Variants in FIBP observed in about 807,000 individuals in gnomAD.
The protein encoded by FIBP is FGF1 intracellular binding protein, also known as acidic fibroblast growth factor intracellular-binding protein.
FIBP carries 29 observed loss-of-function variants against 40.5 expected under a neutral mutation model. The observed-to-expected ratio is 0.72, with a 90% CI of 0.53 to 0.98. The LOEUF is 0.98. FIBP is among the 50% of genes least tolerant of loss of function. The probability of loss-of-function intolerance (pLI) is 0.00; values close to 1 mark genes in which losing one functional copy is unlikely to be tolerated. For missense variants in FIBP, 411 were observed against 470.2 expected (o/e 0.87, Z 1.16); for synonymous variants, 215 against 191.1 (o/e 1.13, Z -1.03).
chr11:65,887,716 A>G lies in FIBP; in HGVS notation c.295T>C (p.Phe99Leu). Reference sequence around the variant, plus strand: ...ACCTCCCGAACAAAGGCCTCATCAAAGGCATAGTACCTTGTGGAGTCAGAG... The same window carrying G: ...ACCTCCCGAACAAAGGCCTCATCAAGGGCATAGTACCTTGTGGAGTCAGAG... ...QALLIERYYAFDEAFVREVLG... is the reference protein window; with the variant it reads ...QALLIERYYALDEAFVREVLG... The change falls in exon 3 of 10, where the codon TTT (phenylalanine) becomes CTT (leucine). Residue 99 changes from phenylalanine to leucine, a missense_variant. Phe to Leu is a conservative substitution (Grantham distance 22). Transcript: ENST00000357519. The G allele has an allele frequency of 6.2e-7, 1 of 1,614,170 alleles. No homozygotes were observed. The highest frequency in any genetic ancestry group is 8.5e-7 in the Non-Finnish European group (1 of 1,180,034).
At chr11:65,884,682 C>G in intron 7 of FIBP, 26 bp from the exon 8 acceptor site, 1 of 1,612,070 alleles carries the variant, frequency 6.2e-7, no homozygotes, top group East Asian at 2.2e-5. Flanking sequence ...CCTTGGAGCT[C>G]TGCTTTCTGC....
chr11:65,883,882 TG>T lies in FIBP; in HGVS notation c.*91del. 8.9e-7 allele frequency: 1 copy of T among 1,129,682 alleles called. No homozygotes were observed. Among genetic ancestry groups the T allele is most frequent in the Non-Finnish European group, 1.3e-6 (1 of 768,478 alleles). 70.0% of individuals were successfully genotyped at this position (1,129,682 alleles called of 1,614,324 possible). On this transcript the variant is annotated 3_prime_UTR_variant, in exon 10 of 10. Transcript: ENST00000357519. ...GCTCAGAGACAGACACAGGCACATCTGCACGCCCCCCACTTGCTCCCCGGAG... is the reference window on the plus strand; with the variant it reads ...GCTCAGAGACAGACACAGGCACATCTCACGCCCCCCACTTGCTCCCCGGAG...
intron 4 of FIBP, chr11:65,885,973 C>A: frequency 2.3e-6 from 1 of 440,102 alleles, no homozygotes; most frequent in Non-Finnish European, 4.1e-6. Context: ...AGCTGGAAAT[C>A]GCTGGACTGT....
rs1359773333 is a variant in FIBP, at chr11:65,884,040, G to A, written c.1008C>T (p.His336=). ...CCATGTAGCGGTCCCAGAGGGCCTG[G>A]TGTCTGTAAGAACATGAACAGTGAC... The part of the protein sequence containing the change: ...ASVHSLDGFR[H]QALWDRYMGT... The change falls in exon 10 of 10, where the codon CAC becomes CAT. Residue 336 remains histidine (H), a synonymous_variant. Transcript: ENST00000357519. The A allele has an allele frequency of 5.0e-6, 8 of 1,613,138 alleles. No individual in the cohort carries two copies. Among genetic ancestry groups the A allele is most frequent in the African/African-American group, 2.7e-5 (2 of 74,918 alleles).
intron 3 of FIBP, chr11:65,887,318 C>A: frequency 2.2e-6 from 1 of 444,904 alleles, no homozygotes; most frequent in East Asian, 4.7e-5. Context: ...TGGGAGCGGG[C>A]GCCTGTAATC....
chr11:65,884,762 T>C, intron 7 of FIBP, 106 bp from the exon 8 acceptor site: 1 of 1,337,110 alleles, frequency 7.5e-7, no homozygotes, highest in Non-Finnish European at 1.1e-6. Flanking sequence ...TCCATCCACC[T>C]CCCTCCATCA....
At position 65,883,932 on chromosome 11, in the gene FIBP, A is replaced by G. The variant is rs765913543; in HGVS notation, c.*42T>C. ...AGCGAGGACCAGTCTCCAAACTCAG[A>G]GCAACTTTATTGTCAGCGTGGGCGG... On this transcript the variant is annotated 3_prime_UTR_variant, in exon 10 of 10. Coordinates refer to ENST00000357519, the MANE Select transcript of FIBP (RefSeq NM_004214.5). 1.3e-6 allele frequency: 2 copies of G among 1,589,188 alleles called. No individual in the cohort carries two copies. The highest frequency in any genetic ancestry group is 1.1e-5 in the South Asian group (1 of 89,692).
rs1860291894 is a variant in FIBP, at chr11:65,888,116, G to A, written c.102C>T (p.Ala34=). ...CCAGGATTCCCGAGCGCACCCGCAG[G>A]GCCACCGCGTCGGTCACTGGAAAGC... is the stretch of plus-strand genomic sequence containing the variant. ...LDGYSVTDAV[A]LRVRSGILEQ... is the part of the protein sequence containing the mutation. The change falls in exon 2 of 10, where the codon GCC becomes GCT. Residue 34 remains alanine (A), a synonymous_variant. Coordinates refer to ENST00000357519, the MANE Select transcript of FIBP (RefSeq NM_004214.5). 6.3e-6 allele frequency: 10 copies of A among 1,579,568 alleles called. No individual in the cohort carries two copies. The highest frequency in any genetic ancestry group is 8.6e-6 in the Non-Finnish European group (10 of 1,166,172).
At position 65,884,858 on chromosome 11, in the gene FIBP, G is replaced by T. The variant is rs1220764382; in HGVS notation, c.819+77C>A. 57 of 1,555,602 alleles carry T rather than the reference G, an allele frequency of 3.7e-5. 1 individual carries two copies. Among genetic ancestry groups the T allele is most frequent in the Middle Eastern group, 1.7e-4 (1 of 5,794 alleles). On this transcript the variant is annotated intron_variant, in intron 7 of 9. Coordinates refer to ENST00000357519, the MANE Select transcript of FIBP (RefSeq NM_004214.5). Reference sequence around the variant, plus strand: ...CCACCTGCCGGCCAATCCCTGGCAGGGGCAGAGCTGCCCGGTAGGGGTGGC... The same window carrying T: ...CCACCTGCCGGCCAATCCCTGGCAGTGGCAGAGCTGCCCGGTAGGGGTGGC...
chr11:65,887,884 G>A, intron 2 of FIBP, 50 bp downstream of exon 2: 2 of 1,597,406 alleles, frequency 1.3e-6, no homozygotes, highest in Non-Finnish European at 1.7e-6. Context: ...CGGCAAAATG[G>A]GTATACAGTC....
At position 65,883,932 on chromosome 11, in the gene FIBP, A is replaced by C. The variant is rs765913543; in HGVS notation, c.*42T>G. 58 of 1,589,188 alleles carry C rather than the reference A, an allele frequency of 3.6e-5. No homozygotes were observed. Among genetic ancestry groups the C allele is most frequent in the Non-Finnish European group, 4.8e-5 (56 of 1,159,676 alleles). ...AGCGAGGACCAGTCTCCAAACTCAG[A>C]GCAACTTTATTGTCAGCGTGGGCGG... On this transcript the variant is annotated 3_prime_UTR_variant, in exon 10 of 10. Transcript: ENST00000357519.
Position 65,884,999 on chromosome 11 carries a change from C to A in FIBP, c.756-1G>T. 1 of 1,614,212 alleles carries A rather than the reference C, an allele frequency of 6.2e-7. No individual in the cohort carries two copies. Among genetic ancestry groups the A allele is most frequent in the Admixed American group, 1.7e-5 (1 of 60,022 alleles). ...TCCCCGGAGAGCAGTGCACACCAGGCTGCAGAGAGACAGGGTCACGCCTAT... is the reference window on the plus strand; with the variant it reads ...TCCCCGGAGAGCAGTGCACACCAGGATGCAGAGAGACAGGGTCACGCCTAT... On this transcript the variant is annotated splice_acceptor_variant, in intron 6 of 9. Coordinates refer to ENST00000357519, the MANE Select transcript of FIBP (RefSeq NM_004214.5). LOFTEE classifies it high-confidence loss of function.
chr11:65,886,205 T>A, intron 4 of FIBP, 117 bp downstream of exon 4: 10 of 435,116 alleles, frequency 2.3e-5, no homozygotes, highest in South Asian at 4.2e-5. Context: ...AGACCAAAAG[T>A]GGGATAATCA....
chr11:65,886,251 G>A lies in FIBP; in HGVS notation c.512+71C>T. Reference sequence around the variant, plus strand: ...ATACTCAGGAGGTCAGAAGGTTTGGGGTAGGGAAGGTGGACGAGCCTCCGG... The same window carrying A: ...ATACTCAGGAGGTCAGAAGGTTTGGAGTAGGGAAGGTGGACGAGCCTCCGG... On this transcript the variant is annotated intron_variant, in intron 4 of 9. Transcript: ENST00000357519. 4 of 981,878 alleles carry A rather than the reference G, an allele frequency of 4.1e-6. No homozygotes were observed. In the East Asian group the frequency reaches 9.6e-5, roughly 23 times the overall value. The allele number at this position is 981,878 out of a possible 1,614,324, so 60.8% of individuals were successfully genotyped here. A position where few individuals can be genotyped will look rare whatever the true frequency, so the allele number is the denominator to read the frequency against.
intron 4 of FIBP, 151 bp downstream of exon 4, chr11:65,886,169 TAA>T (rs5792375): frequency 0.081 from 26,742 of 329,442 alleles, 4 homozygotes; most frequent in East Asian, 0.12. Flanking sequence ...TCCGTCTCAT[TAA>T]AAAAAAAAAA....
At position 65,888,151 on chromosome 11, in the gene FIBP, C is replaced by A; in HGVS notation, c.86-19G>T. The A allele has an allele frequency of 6.5e-7, 1 of 1,541,578 alleles. No individual in the cohort carries two copies. Among genetic ancestry groups the A allele is most frequent in the East Asian group, 2.4e-5 (1 of 41,766 alleles). ...TCGGTCACTGGAAAGCGGACGCTAG[C>A]ATCAGGCCCCGCCCCGCCGACGCCA... On this transcript the variant is annotated intron_variant, in intron 1 of 9. Transcript: ENST00000357519.
intron 5 of FIBP, 35 bp downstream of exon 5, chr11:65,885,495 A>C: frequency 6.2e-7 from 1 of 1,600,118 alleles, no homozygotes; most frequent in Non-Finnish European, 8.5e-7. Context: ...GAGGATGGGG[A>C]GGCGTCCAGG....
At position 65,885,720 on chromosome 11, in the gene FIBP, C is replaced by T. The variant is rs534872852; in HGVS notation, c.513-57G>A. On this transcript the variant is annotated intron_variant, in intron 4 of 9. Coordinates refer to ENST00000357519, the MANE Select transcript of FIBP (RefSeq NM_004214.5). ...CTTGAAATTCCTTCTTAGGAAGCAG[C>T]TCCCACCTGCAACCTCAGCTGGGTG... 86 of 1,530,608 alleles carry T rather than the reference C, an allele frequency of 5.6e-5. 1 individual carries two copies. The East Asian group carries it at 1.9e-3, about 34-fold the overall frequency. 94.8% of individuals were successfully genotyped at this position (1,530,608 alleles called of 1,614,324 possible).
At position 65,885,203 on chromosome 11, in the gene FIBP, G is replaced by A. The variant is rs550280360; in HGVS notation, c.647-17C>T. ...TCTGTGAGTCTGTGAGGCCATGAAG[G>A]GGGTGGGGGTGGGTGATAAAAACCC... On this transcript the variant is annotated splice_polypyrimidine_tract_variant and intron_variant, in intron 5 of 9. Coordinates refer to ENST00000357519, the MANE Select transcript of FIBP (RefSeq NM_004214.5). 2 of 1,405,762 alleles carry A rather than the reference G, an allele frequency of 1.4e-6. No homozygotes were observed. Among genetic ancestry groups the A allele is most frequent in the African/African-American group, 2.8e-5 (2 of 70,678 alleles). 87.1% of individuals were successfully genotyped at this position (1,405,762 alleles called of 1,614,324 possible). A position where few individuals can be genotyped will look rare whatever the true frequency, so the allele number is the denominator to read the frequency against.
Sources: gnomAD v4.1 joint callset for allele counts on GRCh38, gnomAD v4.1.1 for gene constraint, MANE v1.5 for transcripts, NCBI Gene and HGNC (gene_info 2026-07-23, HGNC 2026-07-21) for gene names.